The following SGCD variants were observed in gnomAD, a reference collection of about 807,000 sequenced individuals.
The protein encoded by SGCD is delta-sarcoglycan.
SGCD carries 18 observed loss-of-function variants against 36.6 expected under a neutral mutation model. That is an observed-to-expected ratio of 0.49 (90% CI 0.34 to 0.73). The LOEUF is 0.73. Ranked by LOEUF, SGCD falls within the 30% of genes least tolerant of loss-of-function variation. The probability of loss-of-function intolerance (pLI) is 0.01; values close to 1 mark genes in which losing one functional copy is unlikely to be tolerated. For synonymous variants in SGCD, 133 were observed against 130.6 expected (o/e 1.02, Z -0.12); for missense variants, 387 against 346.7 (o/e 1.12, Z -0.92).
intron 3 of SGCD, among the ~76,000 whole-genome samples, chr5:156,308,207 G>A (rs1767283819): frequency 6.6e-6 from 1 of 152,030 alleles, no homozygotes; most frequent in Admixed American, 6.6e-5. Context: ...GGAGGTCTCA[G>A]AAAACTTACA....
upstream of SGCD, among the ~76,000 whole-genome samples, chr5:155,869,644 ATT>A (rs3085991): frequency 0.41 from 60,731 of 148,654 alleles, 13,537 homozygotes; most frequent in African/African-American, 0.58. Flanking sequence ...CCTTTGGCAG[ATT>A]TTTTTTTTTT....
intron 3 of SGCD, among the ~76,000 whole-genome samples, chr5:156,169,087 C>T (rs1015877200): frequency 2.0e-5 from 3 of 152,204 alleles, no homozygotes; most frequent in Non-Finnish European, 2.9e-5. Context: ...TGCTAAGGCT[C>T]TCCCACTTTC....
chr5:156,504,152 T>C (rs570514150), intron 3 of SGCD, among the ~76,000 whole-genome samples: 4 of 150,224 alleles, frequency 2.7e-5, no homozygotes, highest in Non-Finnish European at 5.9e-5. Flanking sequence ...TGCAGTGAGC[T>C]GAGATCACAC....
At chr5:156,680,350 A>C (rs1753673159) in intron 7 of SGCD, among the ~76,000 whole-genome samples, 1 of 152,178 alleles carries the variant, frequency 6.6e-6, no homozygotes, top group East Asian at 1.9e-4. Flanking sequence ...TTCTGATCAC[A>C]TGCCAGCCTG....
At chr5:156,723,942 A>G (rs1169295494) in intron 7 of SGCD, among the ~76,000 whole-genome samples, 1 of 152,190 alleles carries the variant, frequency 6.6e-6, no homozygotes, top group African/African-American at 2.4e-5. Flanking sequence ...TGCAATGTAC[A>G]GAATGGATGG....
At chr5:156,403,277 A>G (rs948683194) in intron 3 of SGCD, among the ~76,000 whole-genome samples, 1 of 152,078 alleles carries the variant, frequency 6.6e-6, no homozygotes, top group African/African-American at 2.4e-5. Flanking sequence ...TAGAATCACA[A>G]TTTCTCCATT....
intron 7 of SGCD, among the ~76,000 whole-genome samples, chr5:156,655,848 T>C (rs1298275948): frequency 1.3e-5 from 2 of 152,090 alleles, no homozygotes; most frequent in African/African-American, 4.8e-5. Context: ...TAAAGACAAA[T>C]GGAAAAATCA....
At chr5:156,147,554 T>C in intron 3 of SGCD, among the ~76,000 whole-genome samples, 1 of 152,238 alleles carries the variant, frequency 6.6e-6, no homozygotes, top group East Asian at 1.9e-4. Context: ...GCAAGATTTC[T>C]GTATGCAGGG....
rs148914311 is a variant in SGCD, at chr5:155,880,751, G to C, written c.-282+10327G>C. On this transcript the variant is annotated intron_variant, in intron 1 of 9. Transcript: ENST00000517913. ...AGCCAGAAAACCTGGATTTGCATTT[G>C]CATTCTCAACAGGAAGTTTTAGATA... is the stretch of plus-strand genomic sequence containing the variant. 6.6e-5 allele frequency among the ~76,000 whole-genome samples: 10 copies of C among 152,156 alleles called. No individual in the cohort carries two copies. The East Asian group carries it at 1.9e-3, about 29-fold the overall frequency.
chr5:156,213,305 G>A (rs1471833199), intron 3 of SGCD, among the ~76,000 whole-genome samples: 1 of 151,884 alleles, frequency 6.6e-6, no homozygotes, highest in Non-Finnish European at 1.5e-5. Context: ...GACATTACAA[G>A]TGAGACCACA....
chr5:156,444,593 G>A (rs886591710), intron 3 of SGCD, among the ~76,000 whole-genome samples: 3 of 151,710 alleles, frequency 2.0e-5, no homozygotes, highest in South Asian at 2.1e-4. Context: ...GTGCCTCCCC[G>A]ACTTCCACCC....
chr5:155,866,839 C>A (rs1466007364), upstream of SGCD, among the ~76,000 whole-genome samples: 1 of 152,202 alleles, frequency 6.6e-6, no homozygotes, highest in African/African-American at 2.4e-5. Flanking sequence ...CCTCCCCTCC[C>A]TTTCCTTACA....
chr5:155,994,809 C>T (rs868779211), intron 1 of SGCD, among the ~76,000 whole-genome samples: 1 of 152,126 alleles, frequency 6.6e-6, no homozygotes, highest in Non-Finnish European at 1.5e-5. Context: ...TTGGGTGAGG[C>T]CTAAGAACCC....
chr5:155,952,078 G>T (rs990095701), intron 1 of SGCD, among the ~76,000 whole-genome samples: 6 of 152,118 alleles, frequency 3.9e-5, no homozygotes, highest in African/African-American at 1.4e-4. Flanking sequence ...GGTAAAGAAA[G>T]AATAAACAGG....
the SGCD span, among the ~76,000 whole-genome samples, chr5:155,764,892 T>C: frequency 2.0e-5 from 3 of 152,182 alleles, no homozygotes; most frequent in African/African-American, 7.2e-5. Context: ...AATTACTATC[T>C]ACATTCTCAA....
At chr5:155,843,994 C>T in the SGCD span, among the ~76,000 whole-genome samples, 1 of 152,166 alleles carries the variant, frequency 6.6e-6, no homozygotes, top group African/African-American at 2.4e-5. Flanking sequence ...TAATACAGTG[C>T]TATACTCTGA....
chr5:155,810,653 T>C, the SGCD span, among the ~76,000 whole-genome samples: 1 of 152,082 alleles, frequency 6.6e-6, no homozygotes, highest in Non-Finnish European at 1.5e-5. Context: ...CAAAATCTTT[T>C]ATGAGAAAAC....
At chr5:156,183,864 A>T (rs1004865681) in intron 3 of SGCD, among the ~76,000 whole-genome samples, 3 of 152,224 alleles carry the variant, frequency 2.0e-5, no homozygotes, top group Non-Finnish European at 4.4e-5. Context: ...AAGTCAGTGG[A>T]TGATAGCTAA....
intron 3 of SGCD, among the ~76,000 whole-genome samples, chr5:156,468,969 A>G (rs1827688): frequency 0.046 from 6,975 of 152,232 alleles, 205 homozygotes; most frequent in East Asian, 0.14. Flanking sequence ...TCCAGCCTGG[A>G]TGACAGAGTG....
Sources: gnomAD v4.1 joint callset for allele counts (sites outside exome capture counted in the v4.1 genomes callset) on GRCh38, gnomAD v4.1.1 for gene constraint, MANE v1.5 for transcripts, NCBI Gene and HGNC (gene_info 2026-07-23, HGNC 2026-07-21) for gene names.